GPR149: variants seen among roughly 807,000 people sequenced by gnomAD.
GPR149 encodes G protein-coupled receptor 149.
A neutral mutation model predicts 50.2 loss-of-function variants in GPR149; 50 were observed. The observed-to-expected ratio is 1.00, with a 90% CI of 0.79 to 1.26. The LOEUF is 1.26. Among genes scored for constraint, GPR149 ranks in the 50% most tolerant of loss-of-function variants. The pLI is 0.00. For synonymous variants in GPR149, 405 were observed against 358.2 expected (o/e 1.13, Z -1.48); for missense variants, 983 against 895.4 (o/e 1.10, Z -1.25).
intron 2 of GPR149, among the ~76,000 whole-genome samples, chr3:154,426,552 GATTA>G (rs1384862179): frequency 6.6e-6 from 1 of 152,154 alleles, no homozygotes; most frequent in East Asian, 1.9e-4. Context: ...TGCATTCTCA[GATTA>G]ATTAAGTGAT....
At chr3:154,368,852 G>A (rs921956394) in intron 3 of GPR149, among the ~76,000 whole-genome samples, 1 of 152,174 alleles carries the variant, frequency 6.6e-6, no homozygotes, top group Non-Finnish European at 1.5e-5. Flanking sequence ...CACGTAAATT[G>A]GGCCTTAGCA....
chr3:154,397,937 T>TA (rs34783325), intron 3 of GPR149, among the ~76,000 whole-genome samples: 19,270 of 152,114 alleles, frequency 0.13, 1,635 homozygotes, highest in East Asian at 0.38. Flanking sequence ...AAGATTTTTG[T>TA]AAAAATCAAC....
At chr3:154,385,493 G>A (rs1056441257) in intron 3 of GPR149, among the ~76,000 whole-genome samples, 1 of 152,148 alleles carries the variant, frequency 6.6e-6, no homozygotes, top group Non-Finnish European at 1.5e-5. Flanking sequence ...AGAGTTGAAA[G>A]TGAATACTGG....
intron 3 of GPR149, among the ~76,000 whole-genome samples, chr3:154,397,103 T>C (rs1243563491): frequency 1.3e-5 from 2 of 152,098 alleles, no homozygotes; most frequent in East Asian, 3.9e-4. Context: ...AGCTTGAATT[T>C]GAAATGGAAG....
chr3:154,353,153 A>T, intron 3 of GPR149: 1 of 1,513,994 alleles, frequency 6.6e-7, no homozygotes, highest in Non-Finnish European at 9.2e-7. Context: ...TCTCACAGAA[A>T]ATAATAGCCC....
chr3:154,337,576 A>G lies in GPR149; in HGVS notation c.*123T>C. On this transcript the variant is annotated 3_prime_UTR_variant, in exon 4 of 4. Transcript: ENST00000389740. ...TCCAGTTGTTCCCACAAAAAAATTA[A>G]CTATTAAATCAGTAAAACTAATGTA... 1.3e-6 allele frequency: 1 copy of G among 758,726 alleles called. No homozygotes were observed. Among genetic ancestry groups the G allele is most frequent in the Non-Finnish European group, 2.1e-6 (1 of 486,770 alleles). 47.0% of individuals were successfully genotyped at this position (758,726 alleles called of 1,614,324 possible).
intron 2 of GPR149, among the ~76,000 whole-genome samples, chr3:154,422,834 C>T (rs1712183579): frequency 6.6e-6 from 1 of 151,654 alleles, no homozygotes. Context: ...TTAAGTTATA[C>T]TGTTTAACTT....
At chr3:154,359,767 A>G (rs1172521573) in intron 3 of GPR149, among the ~76,000 whole-genome samples, 1 of 152,194 alleles carries the variant, frequency 6.6e-6, no homozygotes, top group East Asian at 1.9e-4. Flanking sequence ...TAACACCCAT[A>G]GTGTTTTTGC....
At chr3:154,396,931 T>C (rs1576920920) in intron 3 of GPR149, among the ~76,000 whole-genome samples, 1 of 151,868 alleles carries the variant, frequency 6.6e-6, no homozygotes, top group Non-Finnish European at 1.5e-5. Flanking sequence ...GTTGTTGTTG[T>C]TGTTTTTAAG....
chr3:154,393,232 C>A (rs1715211077), intron 3 of GPR149, among the ~76,000 whole-genome samples: 1 of 152,034 alleles, frequency 6.6e-6, no homozygotes, highest in Non-Finnish European at 1.5e-5. Context: ...GATCAGACAC[C>A]CATGACCAGC....
intron 2 of GPR149, among the ~76,000 whole-genome samples, chr3:154,426,832 A>T (rs1418486371): frequency 1.3e-5 from 2 of 148,778 alleles, no homozygotes; most frequent in Non-Finnish European, 3.0e-5. Flanking sequence ...TTTTTTTTTT[A>T]AACTGAGGGT....
intron 3 of GPR149, among the ~76,000 whole-genome samples, chr3:154,408,591 A>C (rs1711755856): frequency 6.6e-6 from 1 of 152,150 alleles, no homozygotes; most frequent in Non-Finnish European, 1.5e-5. Context: ...TGTGTGACTC[A>C]GCATAGGTAG....
intron 3 of GPR149, among the ~76,000 whole-genome samples, chr3:154,394,510 G>C (rs1225924920): frequency 5.3e-5 from 8 of 151,992 alleles, no homozygotes; most frequent in Admixed American, 5.2e-4. Context: ...AATGCCAAAA[G>C]CATGGGCAAC....
chr3:154,382,553 A>G (rs987146385), intron 3 of GPR149, among the ~76,000 whole-genome samples: 51 of 152,354 alleles, frequency 3.3e-4, no homozygotes, highest in Middle Eastern at 3.4e-3. Flanking sequence ...TTATCAAAAT[A>G]TCATATTGAA....
chr3:154,340,069 G>T (rs1220903325), intron 3 of GPR149, among the ~76,000 whole-genome samples: 4 of 151,982 alleles, frequency 2.6e-5, no homozygotes, highest in African/African-American at 7.2e-5. Context: ...TGGGATTACA[G>T]GCATGAGCCA....
intron 3 of GPR149, among the ~76,000 whole-genome samples, chr3:154,369,457 A>G (rs1219970922): frequency 6.6e-6 from 1 of 152,192 alleles, no homozygotes; most frequent in Non-Finnish European, 1.5e-5. Flanking sequence ...CTTTGCCCAA[A>G]TGACAGAGGC....
chr3:154,413,959 T>TATATAC (rs1559988965), intron 3 of GPR149, among the ~76,000 whole-genome samples: 1 of 150,704 alleles, frequency 6.6e-6, no homozygotes, highest in Non-Finnish European at 1.5e-5. Context: ...TATATATATA[T>TATATAC]ACATGGAATA....
chr3:154,418,763 T>C (rs1712057337), intron 3 of GPR149, among the ~76,000 whole-genome samples: 2 of 151,334 alleles, frequency 1.3e-5, no homozygotes, highest in Admixed American at 6.6e-5. Flanking sequence ...CATGTATACA[T>C]ATGTAACTAA....
intron 3 of GPR149, among the ~76,000 whole-genome samples, chr3:154,380,875 C>G (rs1167612469): frequency 6.6e-6 from 1 of 152,102 alleles, no homozygotes; most frequent in African/African-American, 2.4e-5. Context: ...GCTCCATTAG[C>G]AGAAAGAGCT....
Sources: allele counts gnomAD v4.1 joint callset (sites outside exome capture counted in the v4.1 genomes callset), GRCh38; gene constraint gnomAD v4.1.1; transcripts MANE v1.5; gene names NCBI Gene and HGNC (gene_info 2026-07-23, HGNC 2026-07-21).